Variants in NRG1 observed in about 807,000 individuals in gnomAD.
NRG1 encodes pro-neuregulin-1, membrane-bound isoform.
Under a neutral mutation model 63.8 loss-of-function variants are expected in NRG1, and 18 were observed. The observed-to-expected ratio is 0.28, with a 90% confidence interval of 0.19 to 0.42. The LOEUF (loss-of-function observed/expected upper bound fraction) is 0.42, where lower values mean the gene tolerates loss of function less well. NRG1 is among the 10% of genes least tolerant of loss of function. The pLI, the probability that NRG1 is intolerant of heterozygous loss-of-function variation, is 1.00. For synonymous variants in NRG1, 302 were observed against 301.3 expected (o/e 1.00, Z -0.02); for missense variants, 762 against 814.7 (o/e 0.94, Z 0.79).
intron 1 of NRG1, among the ~76,000 whole-genome samples, chr8:31,982,060 C>T (rs1247388326): frequency 6.6e-6 from 1 of 151,746 alleles, no homozygotes; most frequent in African/African-American, 2.4e-5. Context: ...AAGCTGTGGT[C>T]GCAGTCACAG....
chr8:32,243,351 A>G (rs543387467), intron 1 of NRG1, among the ~76,000 whole-genome samples: 1 of 151,154 alleles, frequency 6.6e-6, no homozygotes, highest in Non-Finnish European at 1.5e-5. Flanking sequence ...AATTGCTTGA[A>G]CCCAGGAGGC....
intron 1 of NRG1, among the ~76,000 whole-genome samples, chr8:32,541,197 G>A (rs975282835): frequency 5.3e-5 from 8 of 151,954 alleles, no homozygotes; most frequent in Admixed American, 2.6e-4. Flanking sequence ...CTTTCACCTC[G>A]AAACTAAAAA....
intron 1 of NRG1, among the ~76,000 whole-genome samples, chr8:31,966,206 A>G (rs879514917): frequency 6.0e-5 from 9 of 150,134 alleles, no homozygotes; most frequent in Non-Finnish European, 1.3e-4. Flanking sequence ...ATGTCAAGAA[A>G]CATTTTTGTA....
chr8:32,459,603 T>TA (rs1322128327), intron 1 of NRG1, among the ~76,000 whole-genome samples: 106 of 141,870 alleles, frequency 7.5e-4, no homozygotes, highest in South Asian at 4.7e-3. Flanking sequence ...CATTTCTAAT[T>TA]AAAAAAAAAA....
At chr8:32,211,167 T>C (rs988517944) in intron 1 of NRG1, among the ~76,000 whole-genome samples, 1 of 152,186 alleles carries the variant, frequency 6.6e-6, no homozygotes, top group Non-Finnish European at 1.5e-5. Context: ...TAAGCAAAGA[T>C]AAAGGGGAAA....
chr8:32,678,107 A>G (rs1426962831), intron 5 of NRG1, among the ~76,000 whole-genome samples: 1 of 152,194 alleles, frequency 6.6e-6, no homozygotes, highest in Admixed American at 6.5e-5. Context: ...TGAATCATGC[A>G]TATTAACTCT....
At chr8:32,355,120 T>A (rs927542534) in intron 1 of NRG1, among the ~76,000 whole-genome samples, 1 of 152,222 alleles carries the variant, frequency 6.6e-6, no homozygotes, top group African/African-American at 2.4e-5. Flanking sequence ...TTTAATTTGA[T>A]AATTTTTTTA....
At chr8:32,698,623 G>A (rs376239745) in intron 5 of NRG1, among the ~76,000 whole-genome samples, 3 of 152,190 alleles carry the variant, frequency 2.0e-5, no homozygotes, top group Non-Finnish European at 4.4e-5. Context: ...GTGAGCCGGG[G>A]AACTGTACAA....
chr8:31,698,238 T>G (rs1010395891), intron 1 of NRG1, among the ~76,000 whole-genome samples: 7 of 152,158 alleles, frequency 4.6e-5, no homozygotes, highest in Non-Finnish European at 1.0e-4. Flanking sequence ...CCCAAAACAC[T>G]TAGAGATGTT....
At chr8:32,688,752 GC>G (rs1360731713) in intron 5 of NRG1, among the ~76,000 whole-genome samples, 5 of 152,058 alleles carry the variant, frequency 3.3e-5, no homozygotes, top group South Asian at 2.1e-4. Flanking sequence ...AGCAATTGTT[GC>G]TTTAGGTTGT....
intron 5 of NRG1, among the ~76,000 whole-genome samples, chr8:32,623,662 C>T (rs916309432): frequency 3.3e-5 from 5 of 152,166 alleles, no homozygotes; most frequent in Non-Finnish European, 7.3e-5. Flanking sequence ...AGAGTTGGGG[C>T]TCGTATATTA....
At chr8:32,642,118 AG>A (rs1335285878) in intron 5 of NRG1, among the ~76,000 whole-genome samples, 1 of 152,220 alleles carries the variant, frequency 6.6e-6, no homozygotes, top group Non-Finnish European at 1.5e-5. Flanking sequence ...GTATCTGAAT[AG>A]GCCATTAAAA....
intron 1 of NRG1, among the ~76,000 whole-genome samples, chr8:32,251,311 G>C (rs1849075616): frequency 6.6e-6 from 1 of 152,076 alleles, no homozygotes. Flanking sequence ...TGCAGTGTTT[G>C]TTTTTCTGTT....
At chr8:32,769,856 TCTC>T (rs1269592196), downstream of NRG1, among the ~76,000 whole-genome samples, 1 of 152,202 alleles carries the variant, frequency 6.6e-6, no homozygotes, top group Non-Finnish European at 1.5e-5. Context: ...CTGTTCGTCT[TCTC>T]TGGGTAGCTA....
intron 1 of NRG1, among the ~76,000 whole-genome samples, chr8:31,914,727 C>G (rs541638149): frequency 5.9e-5 from 9 of 151,650 alleles, no homozygotes; most frequent in African/African-American, 2.2e-4. Flanking sequence ...TCTGGATATT[C>G]GAATTATCAA....
intron 1 of NRG1, among the ~76,000 whole-genome samples, chr8:31,650,512 C>T (rs112781236): frequency 6.6e-6 from 1 of 152,308 alleles, no homozygotes; most frequent in African/African-American, 2.4e-5. Context: ...TCTTCTTCCA[C>T]CCTCATTTCT....
chr8:32,614,538 C>T (rs1846977515), exon 4 of NRG1: 4 of 1,612,564 alleles, frequency 2.5e-6, no homozygotes, highest in Non-Finnish European at 2.5e-6. Flanking sequence ...ATGCCAGCCT[C>T]AACTGAAGGA....
chr8:32,466,928 T>A (rs1823139261), intron 1 of NRG1, among the ~76,000 whole-genome samples: 1 of 152,106 alleles, frequency 6.6e-6, no homozygotes, highest in South Asian at 2.1e-4. Context: ...GTGGCAGTAA[T>A]AATATTATCA....
At chr8:32,278,559 G>A (rs1487609288) in intron 1 of NRG1, among the ~76,000 whole-genome samples, 2 of 152,036 alleles carry the variant, frequency 1.3e-5, no homozygotes, top group Non-Finnish European at 2.9e-5. Flanking sequence ...CCCAAATCTC[G>A]CTATCCTCAG....
Sources: gnomAD v4.1 joint callset for allele counts (sites outside exome capture counted in the v4.1 genomes callset) on GRCh38, gnomAD v4.1.1 for gene constraint, MANE v1.5 for transcripts, NCBI Gene and HGNC (gene_info 2026-07-23, HGNC 2026-07-21) for gene names.